PCDHGA1: variants seen among roughly 807,000 people sequenced by gnomAD.
PCDHGA1 encodes the protein protocadherin gamma subfamily A, 1.
In PCDHGA1, 32 loss-of-function variants were observed where a neutral mutation model predicts 58.0. The observed-to-expected ratio is 0.55, with a 90% CI of 0.42 to 0.74. The LOEUF (loss-of-function observed/expected upper bound fraction) is 0.74. PCDHGA1 is among the 30% of genes least tolerant of loss of function. The pLI is 0.00. For missense variants in PCDHGA1, 1,205 were observed against 1,182.3 expected (o/e 1.02, Z -0.28); for synonymous variants, 498 against 501.1 (o/e 0.99, Z 0.08).
At chr5:141,390,266 A>C in intron 1 of PCDHGA1, 2 of 1,614,010 alleles carry the variant, frequency 1.2e-6, no homozygotes, top group East Asian at 4.5e-5. Context: ...ATTCCAGTGA[A>C]TTGACTTCCC....
chr5:141,399,991 G>A (rs1226741326), intron 1 of PCDHGA1: 1 of 1,612,422 alleles, frequency 6.2e-7, no homozygotes. Context: ...CACAGGAGAG[G>A]TGCGCACAGC....
chr5:141,382,360 A>C (rs1310834058), intron 1 of PCDHGA1, among the ~76,000 whole-genome samples: 1 of 152,210 alleles, frequency 6.6e-6, no homozygotes, highest in Non-Finnish European at 1.5e-5. Flanking sequence ...ATTTAAATAA[A>C]ATTTACCTTT....
intron 1 of PCDHGA1, chr5:141,371,379 G>A (rs993730534): frequency 6.2e-7 from 1 of 1,613,974 alleles, no homozygotes; most frequent in Non-Finnish European, 8.5e-7. Flanking sequence ...ACATCACACT[G>A]CATATTGTAA....
intron 1 of PCDHGA1, chr5:141,339,851 C>CTTAA (rs748786219): frequency 1.0e-4 from 169 of 1,614,014 alleles, no homozygotes; most frequent in Non-Finnish European, 1.3e-4. Context: ...GGTATTTGAG[C>CTTAA]TTAAGTCAAC....
chr5:141,441,762 C>A (rs3805697), intron 1 of PCDHGA1: 10 of 374,012 alleles, frequency 2.7e-5, no homozygotes, highest in Non-Finnish European at 2.2e-5. Flanking sequence ...CGTGAGCCTG[C>A]GCGTGTTGGT....
Position 141,417,943 on chromosome 5 carries a change from G to C in PCDHGA1, c.2422-76864G>C, listed in dbSNP as rs772925118. ...TGCTGCTGCCTTTGTTCTACCCCAC[G>C]CTGTGTGAGCCGATCCGCTACTCGA... is the stretch of plus-strand genomic sequence containing the variant. On this transcript the variant is annotated intron_variant, in intron 1 of 3. Coordinates refer to ENST00000517417, the MANE Select transcript of PCDHGA1 (RefSeq NM_018912.3). The C allele has an allele frequency of 4.1e-5, 66 of 1,613,160 alleles. 1 individual carries two copies. The highest frequency in any genetic ancestry group is 1.8e-4 in the East Asian group (8 of 44,850).
intron 1 of PCDHGA1, chr5:141,404,898 A>G (rs760424169): frequency 1.9e-6 from 3 of 1,613,714 alleles, no homozygotes; most frequent in Non-Finnish European, 2.5e-6. Context: ...GTACAGGACC[A>G]TGGCCAGCCC....
chr5:141,485,380 G>A lies in PCDHGA1; in HGVS notation c.2422-9427G>A. The A allele has an allele frequency of 1.9e-6, 3 of 1,614,146 alleles. No individual in the cohort carries two copies. The highest frequency in any genetic ancestry group is 2.5e-6 in the Non-Finnish European group (3 of 1,180,032). On this transcript the variant is annotated intron_variant, in intron 1 of 3. Coordinates refer to ENST00000517417, the MANE Select transcript of PCDHGA1 (RefSeq NM_018912.3). This position sits in a 1 kb window ranked among gnomAD's most constrained non-coding sequence, Gnocchi z 5.7. ...CTCGCAGGCTGCAGGTCGCTGGAGA[G>A]GTGAACCAAAGACACTTCCGTGTGG... is the stretch of plus-strand genomic sequence containing the variant.
At position 141,332,487 on chromosome 5, in the gene PCDHGA1, C is replaced by T. The variant is rs757049566; in HGVS notation, c.1803C>T (p.Asn601=). 10 of 1,613,124 alleles carry T rather than the reference C, an allele frequency of 6.2e-6. No homozygotes were observed. The African/African-American group carries it at 8.0e-5, about 13-fold the overall frequency. ...CGGTGGACAGAGACTCGGGCCAGAACGCCTGGCTGTCCTACCGCCTGCTCA... is the reference window on the plus strand; with the variant it reads ...CGGTGGACAGAGACTCGGGCCAGAATGCCTGGCTGTCCTACCGCCTGCTCA... The part of the protein sequence containing the change: ...VVAVDRDSGQ[N]AWLSYRLLKA... The change falls in exon 1 of 4, where the codon AAC becomes AAT. Residue 601 remains asparagine, a synonymous_variant. Coordinates refer to ENST00000517417, the MANE Select transcript of PCDHGA1 (RefSeq NM_018912.3). This position sits in a 1 kb window ranked among gnomAD's most constrained non-coding sequence, Gnocchi z 4.6.
chr5:141,497,406 C>T lies in PCDHGA1; in HGVS notation c.2480+2541C>T, dbSNP rs892691245. 1.2e-4 allele frequency among the ~76,000 whole-genome samples: 19 copies of T among 152,174 alleles called. No individual in the cohort carries two copies. The East Asian group carries it at 1.5e-3, about 12-fold the overall frequency. ...AGCACCTTACCCCTGCCTCAACTCC[C>T]ATTCCATCAAATGAGAGGCTTAGTG... On this transcript the variant is annotated intron_variant, in intron 2 of 3. Transcript: ENST00000517417.
In PCDHGA1 at chr5:141,476,336, C is replaced by A; in HGVS notation, c.2422-18471C>A. 18 of 1,614,008 alleles carry A rather than the reference C, an allele frequency of 1.1e-5. No homozygotes were observed. Among genetic ancestry groups the A allele is most frequent in the Non-Finnish European group, 1.5e-5 (18 of 1,180,008 alleles). ...GTTCCGGGTGGTGTCTGGAGCTAGC[C>A]GAAGATTCTTTGAGGTGAACCGGGA... On this transcript the variant is annotated intron_variant, in intron 1 of 3. Coordinates refer to ENST00000517417, the MANE Select transcript of PCDHGA1 (RefSeq NM_018912.3). The surrounding 1 kb of genome is among the most constrained non-coding windows in gnomAD (Gnocchi z 7.6).
intron 1 of PCDHGA1, chr5:141,340,925 C>T: frequency 1.2e-6 from 2 of 1,613,802 alleles, no homozygotes; most frequent in Non-Finnish European, 1.7e-6. Flanking sequence ...CCACGGCCAG[C>T]CCCCTCTCTC....
chr5:141,409,833 C>G (rs973436075), intron 1 of PCDHGA1: 2 of 1,611,368 alleles, frequency 1.2e-6, no homozygotes, highest in Non-Finnish European at 1.7e-6. Context: ...ACGCTCAGCG[C>G]CAACGTGAGC....
intron 1 of PCDHGA1, among the ~76,000 whole-genome samples, chr5:141,382,275 G>A (rs192196334): frequency 6.6e-6 from 1 of 152,264 alleles, no homozygotes; most frequent in African/African-American, 2.4e-5. Context: ...GAACATATGT[G>A]TTCAATTAAT....
chr5:141,375,156 A>C (rs565020201), intron 1 of PCDHGA1: 2 of 1,613,972 alleles, frequency 1.2e-6, no homozygotes, highest in Non-Finnish European at 1.7e-6. Flanking sequence ...ACAATTGCTG[A>C]AAGTGCACCT....
intron 1 of PCDHGA1, chr5:141,415,045 G>C: frequency 6.2e-7 from 1 of 1,613,538 alleles, no homozygotes; most frequent in Non-Finnish European, 8.5e-7. Flanking sequence ...CTTCGCGGTG[G>C]GGGAGCACAC....
chr5:141,375,876 C>T, intron 1 of PCDHGA1: 1 of 1,613,848 alleles, frequency 6.2e-7, no homozygotes, highest in Non-Finnish European at 8.5e-7. Context: ...GACAGAGACT[C>T]GGGCCAGAAC....
chr5:141,342,848 G>A (rs760284355), intron 1 of PCDHGA1: 2 of 152,140 alleles, frequency 1.3e-5, no homozygotes, highest in Non-Finnish European at 2.9e-5. Flanking sequence ...ATTTCTACTA[G>A]TTTCAGTTGG....
chr5:141,340,224 AC>A, intron 1 of PCDHGA1: 1 of 1,614,162 alleles, frequency 6.2e-7, no homozygotes, highest in Non-Finnish European at 8.5e-7. Flanking sequence ...TTTTCCTTTT[AC>A]AACATCACTC....
Sources: gnomAD v4.1 joint callset for allele counts (sites outside exome capture counted in the v4.1 genomes callset) on GRCh38, gnomAD v4.1.1 for gene constraint, Gnocchi (gnomAD v3.1) non-coding constraint, MANE v1.5 for transcripts, NCBI Gene and HGNC (gene_info 2026-07-23, HGNC 2026-07-21) for gene names.